FRRS1: variants seen among roughly 807,000 people sequenced by gnomAD.
FRRS1 encodes the protein ferric chelate reductase 1.
In FRRS1, 51 loss-of-function variants were observed where a neutral mutation model predicts 70.7. The ratio of observed to expected loss-of-function variants is 0.72; its 90% CI spans 0.58 to 0.91. The LOEUF (loss-of-function observed/expected upper bound fraction) is 0.91. Among genes scored for constraint, FRRS1 ranks in the 40% least tolerant of loss-of-function variants. FRRS1 has a pLI of 0.00. For missense variants in FRRS1, 672 were observed against 726.0 expected, an observed-to-expected ratio of 0.93 and a Z score of 0.86; for synonymous variants, 225 against 238.7, an observed-to-expected ratio of 0.94 and a Z score of 0.53.
intron 12 of FRRS1, among the ~76,000 whole-genome samples, chr1:99,714,028 G>C (rs1424503911): frequency 6.6e-6 from 1 of 152,124 alleles, no homozygotes; most frequent in Non-Finnish European, 1.5e-5. Context: ...GGTATGGAAG[G>C]AGATGGACTA....
chr1:99,708,868 G>T lies in FRRS1; in HGVS notation c.*160C>A. On this transcript the variant is annotated 3_prime_UTR_variant, in exon 17 of 17. Coordinates refer to ENST00000646001, the MANE Select transcript of FRRS1 (RefSeq NM_001361041.2). ...AGTCTATATGACCCTCTTGAATGTT[G>T]TTCTCTAAAGGCTGGACTTCAGAAT... 1 of 1,483,562 alleles carries T rather than the reference G, an allele frequency of 6.7e-7. No homozygotes were observed. The highest frequency in any genetic ancestry group is 9.4e-7 in the Non-Finnish European group (1 of 1,062,540). 91.9% of individuals were successfully genotyped at this position (1,483,562 alleles called of 1,614,324 possible).
intron 9 of FRRS1, among the ~76,000 whole-genome samples, chr1:99,721,827 G>A (rs1460378777): frequency 6.6e-6 from 1 of 151,826 alleles, no homozygotes; most frequent in African/African-American, 2.4e-5. Context: ...TTGAACTCCT[G>A]ACCTCATGAT....
At chr1:99,717,801 C>A (rs72723727) in intron 10 of FRRS1, among the ~76,000 whole-genome samples, 5,641 of 152,192 alleles carry the variant, frequency 0.037, 152 homozygotes, top group East Asian at 0.1. Flanking sequence ...TTATGAATAG[C>A]AAAACTATTA....
rs1335222035 is a variant in FRRS1 at position 99,766,604 on chromosome 1, T to TA, written c.-106+2dup. The TA allele has an allele frequency of 1.3e-5, 2 of 152,312 alleles. No individual in the cohort carries two copies. Among genetic ancestry groups the TA allele is most frequent in the East Asian group, 3.9e-4 (2 of 5,194 alleles). The allele number at this position is 152,312 out of a possible 1,614,324, so 9.4% of individuals were successfully genotyped here. A position where few individuals can be genotyped will look rare whatever the true frequency, so the allele number is the denominator to read the frequency against. The stretch of plus-strand genomic sequence containing the variant: ...ACATTAAGGAAAAAGACGTGACACT[T>TA]ACCTTGAGAAGCGAAGGCAGCCTAA... On this transcript the variant is annotated splice_region_variant and intron_variant, in intron 1 of 16. Transcript: ENST00000646001.
intron 4 of FRRS1, among the ~76,000 whole-genome samples, chr1:99,746,980 G>A (rs1429016853): frequency 1.3e-5 from 2 of 151,912 alleles, no homozygotes; most frequent in Non-Finnish European, 2.9e-5. Context: ...CAACATGAAG[G>A]CAATGAGAAT....
intron 7 of FRRS1, among the ~76,000 whole-genome samples, chr1:99,736,624 T>TTG (rs1557696510): frequency 5.7e-5 from 5 of 87,996 alleles, no homozygotes; most frequent in Non-Finnish European, 9.2e-5. Context: ...TGTTGTGGGG[T>TTG]GGGGAGAGTG....
At chr1:99,735,771 T>C (rs1655624912) in intron 7 of FRRS1, among the ~76,000 whole-genome samples, 1 of 152,242 alleles carries the variant, frequency 6.6e-6, no homozygotes, top group South Asian at 2.1e-4. Context: ...GTGCCATCAA[T>C]GCCTACAATT....
intron 1 of FRRS1, among the ~76,000 whole-genome samples, chr1:99,761,735 G>A (rs1657119095): frequency 1.3e-5 from 2 of 151,958 alleles, no homozygotes; most frequent in Non-Finnish European, 2.9e-5. Flanking sequence ...ACATACAAGG[G>A]TTTTTTCTGT....
chr1:99,716,113 G>T (rs1654512593), intron 11 of FRRS1, among the ~76,000 whole-genome samples: 1 of 152,156 alleles, frequency 6.6e-6, no homozygotes, highest in African/African-American at 2.4e-5. Context: ...GTCAATACAA[G>T]AAAAATATGT....
At chr1:99,754,150 T>C (rs577989515) in intron 1 of FRRS1, among the ~76,000 whole-genome samples, 107 of 152,178 alleles carry the variant, frequency 7.0e-4, no homozygotes, top group Non-Finnish European at 1.3e-3. Context: ...AATGGAGAAA[T>C]AGATGAATCC....
intron 1 of FRRS1, among the ~76,000 whole-genome samples, chr1:99,763,459 G>C (rs1367238829): frequency 1.3e-5 from 2 of 152,200 alleles, no homozygotes; most frequent in Non-Finnish European, 2.9e-5. Context: ...AGGATGTGAA[G>C]AAACGAGCAC....
In FRRS1 at chr1:99,709,243, A is replaced by G. The variant is rs1654163048; in HGVS notation, c.1641T>C (p.Asp547=). 17 of 1,606,324 alleles carry G rather than the reference A, an allele frequency of 1.1e-5. No homozygotes were observed. In the East Asian group the frequency reaches 3.6e-4, roughly 34 times the overall value. The part of the protein sequence containing the change: ...RLSRKVEILD[D]DRIQILQSFT... ...ATGACTGAAGGATCTGAATTCTGTCATCATCCAATATTTCAACTGTCAAGA... is the reference window on the plus strand; with the variant it reads ...ATGACTGAAGGATCTGAATTCTGTCGTCATCCAATATTTCAACTGTCAAGA... The change falls in exon 16 of 17, where the codon GAT becomes GAC. Residue 547 remains aspartate, a synonymous_variant. Transcript: ENST00000646001.
chr1:99,740,348 G>T (rs1329797991), intron 6 of FRRS1, among the ~76,000 whole-genome samples: 1 of 152,152 alleles, frequency 6.6e-6, no homozygotes, highest in African/African-American at 2.4e-5. Context: ...ATTCTAACCT[G>T]TAAGTCATAA....
chr1:99,738,032 T>C (rs1655761843), intron 7 of FRRS1, 54 bp downstream of exon 7: 13 of 1,435,536 alleles, frequency 9.1e-6, no homozygotes, highest in African/African-American at 1.5e-5. Flanking sequence ...TGAGCCACCA[T>C]GCCTAGCCGT....
chr1:99,763,590 C>T (rs1467823684), intron 1 of FRRS1, among the ~76,000 whole-genome samples: 1 of 152,010 alleles, frequency 6.6e-6, no homozygotes, highest in Non-Finnish European at 1.5e-5. Flanking sequence ...TCTTACAGTT[C>T]GGGCGCAGTG....
At chr1:99,726,794 C>T (rs1655096683) in intron 9 of FRRS1, among the ~76,000 whole-genome samples, 1 of 152,220 alleles carries the variant, frequency 6.6e-6, no homozygotes, top group African/African-American at 2.4e-5. Flanking sequence ...GCAGCCTCAA[C>T]CTCCTGGGCT....
chr1:99,758,554 C>A (rs920490720), intron 1 of FRRS1, among the ~76,000 whole-genome samples: 14 of 152,138 alleles, frequency 9.2e-5, no homozygotes, highest in African/African-American at 3.4e-4. Flanking sequence ...TGAGGATGTA[C>A]GTCATCTCAG....
Position 99,728,504 on chromosome 1 carries a change from G to A in FRRS1, c.995C>T (p.Ala332Val), listed in dbSNP as rs1412928974. The part of the protein sequence containing the change: ...TSYYIFLADG[A>V]ANDGRIYKHS... ...AACAATATACTTACCATCATTAGCT[G>A]CACCATCTGCTAGAAATATGTAATA... Residue 332 changes from alanine to valine, a missense_variant, in exon 9 of 17, where the codon GCA (alanine) becomes GTA (valine). Coordinates refer to ENST00000646001, the MANE Select transcript of FRRS1 (RefSeq NM_001361041.2). 1.2e-6 allele frequency: 2 copies of A among 1,610,690 alleles called. No individual in the cohort carries two copies. Among genetic ancestry groups the A allele is most frequent in the Admixed American group, 3.3e-5 (2 of 59,988 alleles).
In FRRS1 at chr1:99,723,656, T is replaced by C. The variant is rs369342899; in HGVS notation, c.1007-4009A>G. Among the ~76,000 whole-genome samples, 6 of 152,244 alleles carry C rather than the reference T, an allele frequency of 3.9e-5. No homozygotes were observed. The South Asian group carries it at 8.3e-4, about 21-fold the overall frequency. ...AACTCACAAACCTATTATAAAGCAA[T>C]AGCAATTCTAACTAATGCAGGAATA... On this transcript the variant is annotated intron_variant, in intron 9 of 16. Coordinates refer to ENST00000646001, the MANE Select transcript of FRRS1 (RefSeq NM_001361041.2).
Sources: gnomAD v4.1 joint callset for allele counts (sites outside exome capture counted in the v4.1 genomes callset) on GRCh38, gnomAD v4.1.1 for gene constraint, MANE v1.5 for transcripts, NCBI Gene and HGNC (gene_info 2026-07-23, HGNC 2026-07-21) for gene names.